The following DDX50 variants were observed in gnomAD, a reference collection of about 807,000 sequenced individuals.
The protein encoded by DDX50 is DExD-box helicase 50.
A neutral mutation model predicts 94.8 loss-of-function variants in DDX50; 56 were observed. That is an observed-to-expected ratio of 0.59 (90% CI 0.48 to 0.74). The LOEUF is 0.74. DDX50 is among the 30% of genes least tolerant of loss of function. The probability of loss-of-function intolerance (pLI) is 0.00; values close to 1 mark genes in which losing one functional copy is unlikely to be tolerated. For missense variants in DDX50, 713 were observed against 881.2 expected (o/e 0.81, Z 2.42); for synonymous variants, 264 against 295.4 (o/e 0.89, Z 1.09).
At position 68,937,045 on chromosome 10, in the gene DDX50, A is replaced by C. The variant is rs1842439221; in HGVS notation, c.1705A>C (p.Ile569Leu). 1 of 1,613,050 alleles carries C rather than the reference A, an allele frequency of 6.2e-7. No homozygotes were observed. The highest frequency in any genetic ancestry group is 8.5e-7 in the Non-Finnish European group (1 of 1,179,888). ...VDALAAALAH[I>L]SGASSFEPRS... The stretch of plus-strand genomic sequence containing the variant: ...TGCATTGGCTGCAGCTTTAGCCCAC[A>C]TTTCTGGTGCATCAAGCTTTGAACC... Residue 569 changes from isoleucine to leucine, a missense_variant, in exon 12 of 15, where the codon ATT becomes CTT. By Grantham distance (5) the Ile-to-Leu change is conservative. Around this residue, in one of 2 missense-constraint regions of DDX50, gnomAD observed 428 missense variants for 602.3 expected, o/e 0.71. Coordinates refer to ENST00000373585, the MANE Select transcript of DDX50 (RefSeq NM_024045.2).
intron 8 of DDX50, among the ~76,000 whole-genome samples, chr10:68,924,606 T>G (rs1842029496): frequency 6.6e-6 from 1 of 152,218 alleles, no homozygotes; most frequent in African/African-American, 2.4e-5. Flanking sequence ...GAGCTGCTGC[T>G]TTTGTTATTT....
intron 8 of DDX50, among the ~76,000 whole-genome samples, chr10:68,926,651 T>C (rs950714898): frequency 6.6e-6 from 1 of 151,960 alleles, no homozygotes; most frequent in East Asian, 1.9e-4. Flanking sequence ...GCACCTGTAA[T>C]CCCAGCTACT....
At position 68,936,361 on chromosome 10, in the gene DDX50, C is replaced by T. The variant is rs554222183; in HGVS notation, c.1595+282C>T. Among the ~76,000 whole-genome samples, 138 of 150,260 alleles carry T rather than the reference C, an allele frequency of 9.2e-4. 1 individual carries two copies. Among genetic ancestry groups the T allele is most frequent in the African/African-American group, 3.3e-3 (134 of 40,980 alleles). ...AAAATTAGCCAGGCGTGGTGGTGGG[C>T]GCCTGTAGTCCCAGCTACTTGGGAG... On this transcript the variant is annotated intron_variant, in intron 11 of 14. Coordinates refer to ENST00000373585, the MANE Select transcript of DDX50 (RefSeq NM_024045.2).
intron 3 of DDX50, 108 bp from the exon 4 acceptor site, chr10:68,910,960 C>A: frequency 1.2e-6 from 1 of 805,860 alleles, no homozygotes; most frequent in Non-Finnish European, 1.8e-6. Context: ...CACCAGGTGG[C>A]ATGTCTTTAG....
chr10:68,922,048 A>G (rs1353995761), intron 8 of DDX50, among the ~76,000 whole-genome samples: 1 of 152,184 alleles, frequency 6.6e-6, no homozygotes, highest in Non-Finnish European at 1.5e-5. Flanking sequence ...TTGAATTACA[A>G]TTTTTAGCAT....
intron 7 of DDX50, among the ~76,000 whole-genome samples, chr10:68,917,437 C>T (rs192613551): frequency 3.9e-5 from 6 of 152,126 alleles, no homozygotes; most frequent in African/African-American, 7.2e-5. Flanking sequence ...CTAGCCTGGG[C>T]AACAGTGTGA....
chr10:68,913,496 T>A lies in DDX50; in HGVS notation c.863T>A (p.Val288Glu). Reference protein sequence around the residue: ...RLDLSKLRHVVLDEVDQMLDL... With the variant: ...RLDLSKLRHVELDEVDQMLDL... ...GATCTTTCTAAACTGCGACATGTTG[T>A]GCTTGATGAAGTGGATCAGATGTTA... Residue 288 changes from valine (V) to glutamate (E), a missense_variant, in exon 6 of 15, where the codon GTG (valine) becomes GAG (glutamate). Physicochemically the swap from Val to Glu is moderately radical, Grantham distance 121. Transcript: ENST00000373585. The A allele has an allele frequency of 6.2e-7, 1 of 1,614,172 alleles. No individual in the cohort carries two copies. The highest frequency in any genetic ancestry group is 8.5e-7 in the Non-Finnish European group (1 of 1,180,028).
At chr10:68,926,754 C>T (rs935712970) in intron 8 of DDX50, among the ~76,000 whole-genome samples, 1 of 146,460 alleles carries the variant, frequency 6.8e-6, no homozygotes, top group African/African-American at 2.6e-5. Flanking sequence ...ATTAAACAGT[C>T]TCTGTGTCTC....
Position 68,919,856 on chromosome 10 carries a change from T to G in DDX50, c.1114T>G (p.Ser372Ala). ...VEHLAIQCHW[S>A]QRPAVIGDVL... ...GCATTTGGCCATCCAGTGTCATTGG[T>G]CTCAGAGGCCAGCAGTTATTGGAGA... The change falls in exon 8 of 15, where the codon TCT (serine) becomes GCT (alanine). Residue 372 changes from serine (S) to alanine (A), a missense_variant. By Grantham distance (99) the Ser-to-Ala change is moderately conservative (BLOSUM62 1). Around this residue, in one of 2 missense-constraint regions of DDX50, gnomAD observed 428 missense variants for 602.3 expected, o/e 0.71. Coordinates refer to ENST00000373585, the MANE Select transcript of DDX50 (RefSeq NM_024045.2). 6.2e-7 allele frequency: 1 copy of G among 1,613,766 alleles called. No homozygotes were observed. The highest frequency in any genetic ancestry group is 8.5e-7 in the Non-Finnish European group (1 of 1,179,876).
intron 8 of DDX50, among the ~76,000 whole-genome samples, chr10:68,927,007 G>T (rs1564611557): frequency 6.6e-6 from 1 of 152,004 alleles, no homozygotes; most frequent in Admixed American, 6.6e-5. Context: ...CAGTCTCCCA[G>T]GCTCCAGTGG....
chr10:68,936,288 C>A (rs1842404424), intron 11 of DDX50, among the ~76,000 whole-genome samples: 1 of 147,476 alleles, frequency 6.8e-6, no homozygotes. Flanking sequence ...GAGATTGAGA[C>A]CATCCTGGCT....
At chr10:68,924,749 A>G (rs1002470980) in intron 8 of DDX50, among the ~76,000 whole-genome samples, 2 of 148,142 alleles carry the variant, frequency 1.4e-5, no homozygotes, top group African/African-American at 5.0e-5. Flanking sequence ...TGATCCTGTT[A>G]TTCTTGGCAT....
intron 10 of DDX50, among the ~76,000 whole-genome samples, 176 bp from the exon 11 acceptor site, chr10:68,935,830 G>A (rs1833110681): frequency 6.6e-6 from 1 of 152,114 alleles, no homozygotes; most frequent in Non-Finnish European, 1.5e-5. Flanking sequence ...GCAAGACTCT[G>A]TGTCAAAACA....
At chr10:68,912,444 C>A (rs985037376) in intron 4 of DDX50, among the ~76,000 whole-genome samples, 1 of 152,092 alleles carries the variant, frequency 6.6e-6, no homozygotes, top group Non-Finnish European at 1.5e-5. Flanking sequence ...GAACTCCTGG[C>A]CTCAAGTGAT....
At chr10:68,914,688 TAAAG>T (rs1338142790) in intron 7 of DDX50, among the ~76,000 whole-genome samples, 11 of 152,190 alleles carry the variant, frequency 7.2e-5, no homozygotes, top group Non-Finnish European at 1.2e-4. Flanking sequence ...CGTAGGTGAA[TAAAG>T]AGTTTTTTGA....
At chr10:68,937,342 A>G (rs910831855) in intron 12 of DDX50, among the ~76,000 whole-genome samples, 1 of 152,098 alleles carries the variant, frequency 6.6e-6, no homozygotes, top group Non-Finnish European at 1.5e-5. Context: ...CCTAGATTCA[A>G]CTGTTAAAAG....
intron 1 of DDX50, among the ~76,000 whole-genome samples, chr10:68,903,343 C>A (rs996620167): frequency 1.3e-5 from 2 of 151,250 alleles, no homozygotes; most frequent in Admixed American, 1.3e-4. Context: ...ACCAGCCTGG[C>A]CAACATGGTT....
intron 7 of DDX50, among the ~76,000 whole-genome samples, chr10:68,918,615 T>C (rs1841865889): frequency 1.3e-5 from 2 of 151,798 alleles, no homozygotes; most frequent in African/African-American, 4.8e-5. Flanking sequence ...TTAGTAGAGA[T>C]GGGGTTTCAC....
At chr10:68,913,068 C>G (rs1841679221) in intron 4 of DDX50, 94 bp from the exon 5 acceptor site, 4 of 937,128 alleles carry the variant, frequency 4.3e-6, no homozygotes, top group Non-Finnish European at 6.5e-6. Context: ...GTTGAGATTC[C>G]TGGTTTTAAA....
Sources: allele counts gnomAD v4.1 joint callset (sites outside exome capture counted in the v4.1 genomes callset), GRCh38; gene constraint gnomAD v4.1.1; regional missense constraint gnomAD v4.1.1; transcripts MANE v1.5; gene names NCBI Gene and HGNC (gene_info 2026-07-23, HGNC 2026-07-21).